Variants in EPSTI1 observed in about 807,000 individuals in gnomAD.
The protein encoded by EPSTI1 is epithelial stromal interaction 1.
A neutral mutation model predicts 49.9 loss-of-function variants in EPSTI1; 66 were observed. That is an observed-to-expected ratio of 1.32 (90% confidence interval 1.08 to 1.62). EPSTI1 has a LOEUF of 1.62. Among genes scored for constraint, EPSTI1 ranks in the 40% most tolerant of loss-of-function variants. The pLI is 0.00. For synonymous variants in EPSTI1, 137 were observed against 130.7 expected (o/e 1.05, Z -0.33); for missense variants, 394 against 365.5 (o/e 1.08, Z -0.64).
chr13:42,938,931 A>AAAAAAAAAAAAAAAAAAAAAAC (rs1283144806), intron 6 of EPSTI1, among the ~76,000 whole-genome samples: 1 of 150,540 alleles, frequency 6.6e-6, no homozygotes, highest in Non-Finnish European at 1.5e-5. Context: ...AAAAAAAAAA[A>AAAAAAAAAAAAAAAAAAAAAAC]ATCTGTTGTT....
intron 8 of EPSTI1, among the ~76,000 whole-genome samples, chr13:42,911,013 A>C (rs1383532072): frequency 6.6e-6 from 1 of 152,206 alleles, no homozygotes; most frequent in East Asian, 1.9e-4. Flanking sequence ...TTTTTGTGTA[A>C]CTAAAGAGCC....
rs763326690 is a variant in EPSTI1, at chr13:42,888,365, C to T, written c.*129G>A. 31 of 1,613,960 alleles carry T rather than the reference C, an allele frequency of 1.9e-5. No individual in the cohort carries two copies. Among genetic ancestry groups the T allele is most frequent in the African/African-American group, 6.7e-5 (5 of 74,882 alleles). Reference sequence around the variant, plus strand: ...GAGAAGCCAGTCACTCCTGACTGCACGGTCAAGTGTGTGGGCAGTTGAAAT... The same window carrying T: ...GAGAAGCCAGTCACTCCTGACTGCATGGTCAAGTGTGTGGGCAGTTGAAAT... On this transcript the variant is annotated 3_prime_UTR_variant, in exon 11 of 11. Coordinates refer to ENST00000313624, the MANE Select transcript of EPSTI1 (RefSeq NM_033255.5).
intron 1 of EPSTI1, among the ~76,000 whole-genome samples, chr13:42,979,697 G>GT (rs1474125947): frequency 6.6e-6 from 1 of 151,438 alleles, no homozygotes; most frequent in African/African-American, 2.4e-5. Flanking sequence ...AACTGTTAAT[G>GT]TTTTCCCACA....
chr13:42,958,525 G>A (rs1304619798), intron 5 of EPSTI1, among the ~76,000 whole-genome samples: 4 of 152,208 alleles, frequency 2.6e-5, no homozygotes, highest in African/African-American at 4.8e-5. Context: ...GGGGAGACCG[G>A]AGGGAAGATG....
At chr13:42,955,882 G>GC (rs940832591) in intron 5 of EPSTI1, among the ~76,000 whole-genome samples, 3 of 144,506 alleles carry the variant, frequency 2.1e-5, no homozygotes, top group Non-Finnish European at 3.0e-5. Context: ...GTATTTGGGG[G>GC]GGGGGGGAAG....
rs184472983 is a variant in EPSTI1 at position 42,943,437 on chromosome 13, T to C, written c.563+10511A>G. Among the ~76,000 whole-genome samples the C allele has an allele frequency of 1.9e-3, 283 of 152,342 alleles. 4 individuals carry two copies. The highest frequency in any genetic ancestry group is 3.4e-3 in the Middle Eastern group (1 of 294). On this transcript the variant is annotated intron_variant, in intron 6 of 10. Coordinates refer to ENST00000313624, the MANE Select transcript of EPSTI1 (RefSeq NM_033255.5). ...TCCTGGATCTCTTATGTGGATTGTA[T>C]CAGTTAATCTTCTTCTGAGTTAGCA...
rs552264075 is a variant in EPSTI1, at chr13:42,907,797, T to C, written c.742-7414A>G. 1.6e-4 allele frequency among the ~76,000 whole-genome samples: 24 copies of C among 152,358 alleles called. No individual in the cohort carries two copies. The East Asian group carries it at 4.6e-3, about 29-fold the overall frequency. Reference sequence around the variant, plus strand: ...TTACAAGTAAACTTGGATAGAACTATAGTTACTGAAATATTGAGTTTTAGC... The same window carrying C: ...TTACAAGTAAACTTGGATAGAACTACAGTTACTGAAATATTGAGTTTTAGC... On this transcript the variant is annotated intron_variant, in intron 8 of 10. Coordinates refer to ENST00000313624, the MANE Select transcript of EPSTI1 (RefSeq NM_033255.5).
intron 1 of EPSTI1, among the ~76,000 whole-genome samples, chr13:42,989,150 T>C (rs1218737453): frequency 7.1e-6 from 1 of 139,962 alleles, no homozygotes; most frequent in Non-Finnish European, 1.5e-5. Context: ...CACAAGCCCC[T>C]GCGCCCGACC....
rs1233969780 is a variant in EPSTI1, at chr13:42,966,868, C to T, written c.331+2226G>A. 1.6e-4 allele frequency among the ~76,000 whole-genome samples: 11 copies of T among 67,574 alleles called. 3 individuals carry two copies. Among genetic ancestry groups the T allele is most frequent in the Admixed American group, 3.7e-4 (2 of 5,420 alleles). The allele number at this position is 67,574 out of a possible 152,430, so 44.3% of individuals were successfully genotyped here. A position where few individuals can be genotyped will look rare whatever the true frequency, so the allele number is the denominator to read the frequency against. On this transcript the variant is annotated intron_variant, in intron 3 of 10. Coordinates refer to ENST00000313624, the MANE Select transcript of EPSTI1 (RefSeq NM_033255.5). ...AAAGGTGGGGAAAAGATTGAGAAAT[C>T]GGATGGTTGCCGTGTCTGTGTAGAA...
In EPSTI1 at chr13:42,910,805, T is replaced by A. The variant is rs538726800; in HGVS notation, c.741+6736A>T. ...ACTTTGAGTAGCATGAGGTTGGAAT[T>A]CCCAGAATAATACTGGGTAACAACC... is the stretch of plus-strand genomic sequence containing the variant. On this transcript the variant is annotated intron_variant, in intron 8 of 10. Transcript: ENST00000313624. Among the ~76,000 whole-genome samples the A allele has an allele frequency of 1.2e-4, 18 of 152,338 alleles. No individual in the cohort carries two copies. The South Asian group carries it at 3.7e-3, about 32-fold the overall frequency.
intron 8 of EPSTI1, among the ~76,000 whole-genome samples, chr13:42,902,053 T>C (rs1012246908): frequency 4.6e-5 from 7 of 152,054 alleles, no homozygotes; most frequent in Non-Finnish European, 8.8e-5. Context: ...TTACTGAGAA[T>C]GATGATTTCC....
intron 8 of EPSTI1, among the ~76,000 whole-genome samples, chr13:42,910,257 C>CTTTTTTTTT (rs71099807): frequency 1.0e-5 from 1 of 97,640 alleles, no homozygotes; most frequent in African/African-American, 4.1e-5. Flanking sequence ...TTAACCAAAT[C>CTTTTTTTTT]TTTTTTTTTT....
intron 10 of EPSTI1, among the ~76,000 whole-genome samples, chr13:42,892,359 C>T (rs976078942): frequency 3.3e-5 from 5 of 152,164 alleles, no homozygotes; most frequent in African/African-American, 1.2e-4. Context: ...TAGGAGACTA[C>T]TGCAAGCATC....
At position 42,963,293 on chromosome 13, in the gene EPSTI1, C is replaced by T. The variant is rs139222537; in HGVS notation, c.451G>A (p.Ala151Thr). 68 of 1,613,660 alleles carry T rather than the reference C, an allele frequency of 4.2e-5. No individual in the cohort carries two copies. The African/African-American group carries it at 8.3e-4, about 20-fold the overall frequency. Residue 151 changes from alanine to threonine, a missense_variant, in exon 5 of 11, where the codon GCT becomes ACT. By Grantham distance (58) the Ala-to-Thr change is moderately conservative. Transcript: ENST00000313624. Reference sequence around the variant, plus strand: ...ATTGCCTTCATTTTTTGGAGTTCAGCTTCTTCAGCTTCCTTCTTGATTCTT... The same window carrying T: ...ATTGCCTTCATTTTTTGGAGTTCAGTTTCTTCAGCTTCCTTCTTGATTCTT... ...SVRIKKEAEE[A>T]ELQKMKAIQR... is the part of the protein sequence containing the mutation.
Position 42,941,621 on chromosome 13 carries a change from A to AG in EPSTI1, c.563+12326_563+12327insC, listed in dbSNP as rs1476237470. 3.2e-3 allele frequency among the ~76,000 whole-genome samples: 487 copies of AG among 150,790 alleles called. 3 individuals carry two copies. The highest frequency in any genetic ancestry group is 0.011 in the African/African-American group (468 of 41,256). On this transcript the variant is annotated intron_variant, in intron 6 of 10. Transcript: ENST00000313624. ...GGTGACAGAGCAAGACACTGGAAAAAAAAAAAAACAGAAAAAAAATTTTTT... is the reference window on the plus strand; with the variant it reads ...GGTGACAGAGCAAGACACTGGAAAAAGAAAAAAAACAGAAAAAAAATTTTTT...
intron 8 of EPSTI1, among the ~76,000 whole-genome samples, chr13:42,911,686 G>T (rs1442117929): frequency 6.6e-6 from 1 of 152,030 alleles, no homozygotes; most frequent in Admixed American, 6.6e-5. Context: ...CCGTGTATTT[G>T]CATTTTTACT....
chr13:42,950,522 A>C (rs2039062606), intron 6 of EPSTI1, among the ~76,000 whole-genome samples: 2 of 152,216 alleles, frequency 1.3e-5, no homozygotes, highest in Non-Finnish European at 2.9e-5. Context: ...ATCAGAAGCA[A>C]ATGAACGAAG....
rs144646467 is a variant in EPSTI1 at position 42,979,584 on chromosome 13, C to CAA, written c.189-8916_189-8915dup. ...TGGGCGACAGAGGGAGACTCCGTCT[C>CAA]AAAAAAAAAAAAAAAAAAGAAAAGA... On this transcript the variant is annotated intron_variant, in intron 1 of 10. Coordinates refer to ENST00000313624, the MANE Select transcript of EPSTI1 (RefSeq NM_033255.5). Among the ~76,000 whole-genome samples the CAA allele has an allele frequency of 2.3e-4, 19 of 81,008 alleles. No individual in the cohort carries two copies. In the East Asian group the frequency reaches 2.5e-3, roughly 11 times the overall value. The allele number at this position is 81,008 out of a possible 152,430, so 53.1% of individuals were successfully genotyped here.
At chr13:42,938,721 C>T (rs919083012) in intron 6 of EPSTI1, among the ~76,000 whole-genome samples, 18 of 151,848 alleles carry the variant, frequency 1.2e-4, no homozygotes, top group Non-Finnish European at 2.5e-4. Context: ...CAAGACAAGC[C>T]TGGCCAACAT....
Sources: gnomAD v4.1 joint callset for allele counts (sites outside exome capture counted in the v4.1 genomes callset) on GRCh38, gnomAD v4.1.1 for gene constraint, MANE v1.5 for transcripts, NCBI Gene and HGNC (gene_info 2026-07-23, HGNC 2026-07-21) for gene names.